Variants in ERN1 observed in about 807,000 individuals in gnomAD.
The protein encoded by ERN1 is serine/threonine-protein kinase/endoribonuclease IRE1.
A neutral mutation model predicts 113.1 loss-of-function variants in ERN1; 39 were observed. The ratio of observed to expected loss-of-function variants is 0.34; its 90% CI spans 0.27 to 0.45. The LOEUF (loss-of-function observed/expected upper bound fraction) is 0.45. ERN1 is among the 20% of genes least tolerant of loss of function. ERN1 has a pLI of 1.00. For missense variants in ERN1, 976 were observed against 1,274.8 expected (o/e 0.77, Z 3.57); for synonymous variants, 507 against 515.9 (o/e 0.98, Z 0.23).
Position 64,055,968 on chromosome 17 carries a change from T to C in ERN1, c.1399-20A>G, listed in dbSNP as rs1232801227. The C allele has an allele frequency of 1.3e-6, 2 of 1,522,560 alleles. No individual in the cohort carries two copies. The highest frequency in any genetic ancestry group is 2.1e-5 in the Admixed American group (1 of 47,928). The allele number at this position is 1,522,560 out of a possible 1,614,324, so 94.3% of individuals were successfully genotyped here. On this transcript the variant is annotated intron_variant, in intron 12 of 21. Transcript: ENST00000433197. Reference sequence around the variant, plus strand: ...CATGCTCTGGGAAGAGAAACCCACATCCAGACAAGGGCAGCTGTTCCCACA... The same window carrying C: ...CATGCTCTGGGAAGAGAAACCCACACCCAGACAAGGGCAGCTGTTCCCACA...
At chr17:64,067,026 A>C in intron 7 of ERN1, 94 bp from the exon 8 acceptor site, 1 of 1,344,756 alleles carries the variant, frequency 7.4e-7, no homozygotes, top group Non-Finnish European at 1.0e-6. Context: ...ACTCAGTTAG[A>C]GGAAACAAGA....
At chr17:64,096,417 A>T (rs532147884) in intron 2 of ERN1, among the ~76,000 whole-genome samples, 1 of 152,378 alleles carries the variant, frequency 6.6e-6, no homozygotes, top group East Asian at 1.9e-4. Context: ...TAGTTGCAGG[A>T]AAAGAAGCTC....
intron 1 of ERN1, among the ~76,000 whole-genome samples, chr17:64,110,422 C>T (rs1914641452): frequency 6.6e-6 from 1 of 152,096 alleles, no homozygotes; most frequent in Non-Finnish European, 1.5e-5. Flanking sequence ...TAACTATAGT[C>T]ACCATGTTAT....
chr17:64,099,277 A>ATT (rs11442464), intron 1 of ERN1, among the ~76,000 whole-genome samples: 57 of 148,486 alleles, frequency 3.8e-4, no homozygotes, highest in African/African-American at 9.4e-4. Flanking sequence ...TACTGGACAG[A>ATT]TTTTTTTTTT....
At chr17:64,068,015 C>A in intron 7 of ERN1, 175 bp downstream of exon 7, 1 of 568,316 alleles carries the variant, frequency 1.8e-6, no homozygotes, top group South Asian at 2.3e-5. Flanking sequence ...TTCACCAAGG[C>A]CCCTGCACAT....
At chr17:64,069,687 A>G (rs1913348216) in intron 6 of ERN1, among the ~76,000 whole-genome samples, 3 of 152,234 alleles carry the variant, frequency 2.0e-5, no homozygotes, top group South Asian at 2.1e-4. Context: ...TACTGCAGCT[A>G]TCCTGTCTCT....
intron 12 of ERN1, among the ~76,000 whole-genome samples, chr17:64,057,559 A>G (rs758523036): frequency 2.0e-5 from 3 of 152,092 alleles, no homozygotes; most frequent in East Asian, 1.9e-4. Context: ...TAGTAGAGAC[A>G]GGGTTTCACT....
At chr17:64,067,067 C>A in intron 7 of ERN1, 135 bp from the exon 8 acceptor site, 3 of 920,478 alleles carry the variant, frequency 3.3e-6, no homozygotes, top group Non-Finnish European at 4.9e-6. Context: ...CTCCTCTGAG[C>A]AATTTCACTT....
intron 2 of ERN1, among the ~76,000 whole-genome samples, chr17:64,091,447 T>C (rs373515673): frequency 6.6e-6 from 1 of 152,218 alleles, no homozygotes; most frequent in African/African-American, 2.4e-5. Flanking sequence ...GCATCCTGGC[T>C]GCCCAGAGCC....
chr17:64,051,360 G>C (rs970026994), intron 17 of ERN1, among the ~76,000 whole-genome samples: 2 of 152,186 alleles, frequency 1.3e-5, no homozygotes, highest in African/African-American at 4.8e-5. Flanking sequence ...ACTAACAAGA[G>C]AGGAGGAAAT....
chr17:64,089,093 G>A (rs927812012), intron 2 of ERN1, among the ~76,000 whole-genome samples: 1 of 152,140 alleles, frequency 6.6e-6, no homozygotes, highest in Non-Finnish European at 1.5e-5. Context: ...GCCAAGGTGG[G>A]TGGATCATGA....
chr17:64,071,816 TG>T lies in ERN1; in HGVS notation c.478+164del, dbSNP rs1913428467. Among the ~76,000 whole-genome samples the T allele has an allele frequency of 2.0e-5, 3 of 152,256 alleles. No individual in the cohort carries two copies. In the South Asian group the frequency reaches 6.2e-4, roughly 32 times the overall value. On this transcript the variant is annotated intron_variant, in intron 6 of 21. Transcript: ENST00000433197. ...GTGGTGCAGTTTGGACTGTATCCCT[TG>T]CACACTGGGGGGACACTGAAGGGTC...
intron 2 of ERN1, among the ~76,000 whole-genome samples, chr17:64,093,501 G>A (rs1914144257): frequency 6.6e-6 from 1 of 152,196 alleles, no homozygotes; most frequent in Non-Finnish European, 1.5e-5. Context: ...TTGAACAACA[G>A]AAATTTATTT....
intron 2 of ERN1, among the ~76,000 whole-genome samples, chr17:64,095,215 G>A (rs1268459964): frequency 6.6e-6 from 1 of 152,116 alleles, no homozygotes; most frequent in African/African-American, 2.4e-5. Context: ...GATCACTTGA[G>A]GCCAGGAGTT....
At chr17:64,080,927 A>G (rs558067266) in intron 2 of ERN1, 119 bp from the exon 3 acceptor site, 116 of 916,512 alleles carry the variant, frequency 1.3e-4, no homozygotes, top group Non-Finnish European at 2.0e-4. Context: ...CTGTTAACCT[A>G]CATGGGCTAG....
At position 64,047,922 on chromosome 17, in the gene ERN1, G is replaced by C; in HGVS notation, c.2465C>G (p.Ser822Ter). ...CGGGTGTTTGAGCACATGCTTCGCT[G>C]AGGGGCGTTTCTGAGGATCCATCGC... is the stretch of plus-strand genomic sequence containing the variant. Reference protein sequence around the residue: ...MIAMDPQKRPSAKHVLKHPFF... With the variant: ...MIAMDPQKRP The change falls in exon 19 of 22, where the codon TCA (serine) becomes TGA (stop). Residue 822 changes from serine to a stop codon, truncating the protein, a stop_gained. Transcript: ENST00000433197. LOFTEE classifies it high-confidence loss of function. 6.2e-7 allele frequency: 1 copy of C among 1,613,512 alleles called. No homozygotes were observed. The highest frequency in any genetic ancestry group is 8.5e-7 in the Non-Finnish European group (1 of 1,179,506).
chr17:64,054,386 A>T lies in ERN1; in HGVS notation c.1817T>A (p.Phe606Tyr). The T allele has an allele frequency of 6.2e-7, 1 of 1,600,654 alleles. No individual in the cohort carries two copies. Reference sequence around the variant, plus strand: ...CTGGACCTCACGGTCTGCGAAGCTAAAACACTCGGGGAGGATCCTCTTCAC... The same window carrying T: ...CTGGACCTCACGGTCTGCGAAGCTATAACACTCGGGGAGGATCCTCTTCAC... ...VAVKRILPEC[F>Y]SFADREVQLL... Residue 606 changes from phenylalanine (F) to tyrosine (Y), a missense_variant, in exon 15 of 22, where the codon TTT becomes TAT. Physicochemically the swap from Phe to Tyr is conservative, Grantham distance 22. Around this residue, in one of 5 missense-constraint regions of ERN1, gnomAD observed 297 missense variants for 457.8 expected, o/e 0.65. Transcript: ENST00000433197. The surrounding 1 kb of genome is among the most constrained non-coding windows in gnomAD (Gnocchi z 4.9).
At chr17:64,048,167 T>C (rs1912571798) in intron 18 of ERN1, among the ~76,000 whole-genome samples, 182 bp from the exon 19 acceptor site, 1 of 152,172 alleles carries the variant, frequency 6.6e-6, no homozygotes, top group Non-Finnish European at 1.5e-5. Flanking sequence ...ACTGCATGGT[T>C]TGTGAAGGAA....
rs750933645 is a variant in ERN1 at position 64,057,773 on chromosome 17, G to A, written c.1398+29C>T. The A allele has an allele frequency of 2.5e-6, 4 of 1,602,908 alleles. No homozygotes were observed. In the Admixed American group the frequency reaches 5.0e-5, roughly 20 times the overall value. Reference sequence around the variant, plus strand: ...GGCAGAGAAGCCCCAGAAATAGGTGGATGGCAAAGGGGAATTGTTGAGCTT... The same window carrying A: ...GGCAGAGAAGCCCCAGAAATAGGTGAATGGCAAAGGGGAATTGTTGAGCTT... On this transcript the variant is annotated intron_variant, in intron 12 of 21. Coordinates refer to ENST00000433197, the MANE Select transcript of ERN1 (RefSeq NM_001433.5).
Sources: allele counts gnomAD v4.1 joint callset (sites outside exome capture counted in the v4.1 genomes callset), GRCh38; gene constraint gnomAD v4.1.1; regional missense constraint gnomAD v4.1.1; non-coding constraint Gnocchi (gnomAD v3.1); transcripts MANE v1.5; gene names NCBI Gene and HGNC (gene_info 2026-07-23, HGNC 2026-07-21).